The following PLEKHH2 variants were observed in gnomAD, a reference collection of about 807,000 sequenced individuals.
The protein encoded by PLEKHH2 is pleckstrin homology, MyTH4 and FERM domain containing H2, also known as pleckstrin homology domain-containing family H member 2.
A neutral mutation model predicts 187.9 loss-of-function variants in PLEKHH2; 129 were observed. The ratio of observed to expected loss-of-function variants is 0.69; its 90% CI spans 0.59 to 0.79. The LOEUF (loss-of-function observed/expected upper bound fraction) is 0.79, where lower values mean the gene tolerates loss of function less well. PLEKHH2 is among the 30% of genes least tolerant of loss of function. The probability of loss-of-function intolerance (pLI) is 0.00; values close to 1 mark genes in which losing one functional copy is unlikely to be tolerated. For missense variants in PLEKHH2, 2,076 were observed against 1,751.2 expected, an observed-to-expected ratio of 1.19 and a Z score of -3.31; for synonymous variants, 686 against 605.6, an observed-to-expected ratio of 1.13 and a Z score of -1.95.
At chr2:43,672,547 T>C (rs1279422698) in intron 2 of PLEKHH2, among the ~76,000 whole-genome samples, 2 of 152,218 alleles carry the variant, frequency 1.3e-5, no homozygotes, top group Non-Finnish European at 2.9e-5. Flanking sequence ...TAATTAGCAG[T>C]GGCATCATCA....
At position 43,764,368 on chromosome 2, in the gene PLEKHH2, G is replaced by A. The variant is rs373129908; in HGVS notation, c.4296+3G>A. The A allele has an allele frequency of 4.3e-6, 7 of 1,612,432 alleles. No homozygotes were observed. The highest frequency in any genetic ancestry group is 1.1e-5 in the South Asian group (1 of 90,896). ...TTTTTGCCATGGCAAAACCCAAGGT[G>A]AGTAGAAGCCTTTCTGCCAACTTTT... On this transcript the variant is annotated splice_donor_region_variant and intron_variant, in intron 29 of 29. Transcript: ENST00000282406.
intron 2 of PLEKHH2, among the ~76,000 whole-genome samples, chr2:43,650,272 A>G (rs997976705): frequency 4.7e-5 from 7 of 147,514 alleles, no homozygotes; most frequent in African/African-American, 1.8e-4. Context: ...AGCTGGGATT[A>G]CAGGTGTGCA....
chr2:43,697,328 T>C lies in PLEKHH2; in HGVS notation c.660T>C (p.Pro220=), dbSNP rs1379816684. 3 of 1,612,150 alleles carry C rather than the reference T, an allele frequency of 1.9e-6. No individual in the cohort carries two copies. The highest frequency in any genetic ancestry group is 2.7e-5 in the African/African-American group (2 of 74,840). The change falls in exon 7 of 30, where the codon CCT becomes CCC. Residue 220 remains proline (P), a synonymous_variant. Transcript: ENST00000282406. Reference sequence around the variant, plus strand: ...TGAGCAAGATATCATCGAAAGAACCTGAGTTCACTGAAGGAAAAGACATGG... The same window carrying C: ...TGAGCAAGATATCATCGAAAGAACCCGAGTTCACTGAAGGAAAAGACATGG... ...EEMSKISSKE[P]EFTEGKDMEE...
At chr2:43,712,986 A>G (rs1670040967) in intron 15 of PLEKHH2, among the ~76,000 whole-genome samples, 1 of 151,590 alleles carries the variant, frequency 6.6e-6, no homozygotes, top group South Asian at 2.1e-4. Flanking sequence ...TAGGCAGTAG[A>G]AAAAAAAAGA....
At chr2:43,682,407 A>G (rs1668239210) in intron 3 of PLEKHH2, among the ~76,000 whole-genome samples, 1 of 152,048 alleles carries the variant, frequency 6.6e-6, no homozygotes, top group South Asian at 2.1e-4. Flanking sequence ...CCTGAGTTCA[A>G]GCGATTCTCC....
chr2:43,738,233 T>G, intron 19 of PLEKHH2, 108 bp from the exon 20 acceptor site: 1 of 907,206 alleles, frequency 1.1e-6, no homozygotes, highest in Non-Finnish European at 1.6e-6. Flanking sequence ...TATATCCTTT[T>G]CCATCATTTT....
chr2:43,654,430 T>G (rs1350156329), intron 2 of PLEKHH2, among the ~76,000 whole-genome samples: 3 of 151,872 alleles, frequency 2.0e-5, no homozygotes, highest in South Asian at 4.2e-4. Flanking sequence ...CTCTTGACCT[T>G]GTGATCTGCC....
At chr2:43,644,530 A>G (rs1467581191) in intron 1 of PLEKHH2, 141 bp from the exon 2 acceptor site, 2 of 593,712 alleles carry the variant, frequency 3.4e-6, no homozygotes, top group East Asian at 7.5e-5. Context: ...TTAGAATTTA[A>G]AATTTGTACA....
chr2:43,742,438 G>A (rs890423030), intron 21 of PLEKHH2, among the ~76,000 whole-genome samples: 2 of 151,396 alleles, frequency 1.3e-5, no homozygotes, highest in South Asian at 4.2e-4. Context: ...CTTTATATTT[G>A]TTAATATTAA....
At chr2:43,675,839 A>G (rs1175271554) in intron 2 of PLEKHH2, 3 of 1,614,028 alleles carry the variant, frequency 1.9e-6, no homozygotes, top group East Asian at 4.5e-5. Flanking sequence ...AAGGGCTGGG[A>G]TGCATCCCTT....
intron 16 of PLEKHH2, among the ~76,000 whole-genome samples, chr2:43,722,692 T>A (rs1322800859): frequency 2.0e-5 from 3 of 152,240 alleles, no homozygotes. Flanking sequence ...CTGACACATC[T>A]AAATAAAATA....
chr2:43,720,157 C>G (rs556220104), intron 15 of PLEKHH2, among the ~76,000 whole-genome samples: 2 of 152,300 alleles, frequency 1.3e-5, no homozygotes, highest in African/African-American at 4.8e-5. Flanking sequence ...CCACTCCCTT[C>G]TTTATCCATC....
At position 43,720,710 on chromosome 2, in the gene PLEKHH2, A is replaced by G. The variant is rs143478560; in HGVS notation, c.2502A>G (p.Ile834Met). ...CCAAGAGAGTCTGGTGTACACTAAT[A>G]GGAAAGACATTATATTATTTTCGGA... ...GYSKRVWCTL[I>M]GKTLYYFRSQ... is the part of the protein sequence containing the mutation. The change falls in exon 16 of 30, where the codon ATA (isoleucine) becomes ATG (methionine). Residue 834 changes from isoleucine (I) to methionine (M), a missense_variant. Ile to Met is a conservative substitution (Grantham distance 10). Coordinates refer to ENST00000282406, the MANE Select transcript of PLEKHH2 (RefSeq NM_172069.4). 551 of 1,609,124 alleles carry G rather than the reference A, an allele frequency of 3.4e-4. 4 individuals are homozygous for G. The South Asian group carries it at 5.7e-3, about 17-fold the overall frequency.
At chr2:43,648,433 C>A (rs528609268) in intron 2 of PLEKHH2, among the ~76,000 whole-genome samples, 1 of 152,034 alleles carries the variant, frequency 6.6e-6, no homozygotes, top group Non-Finnish European at 1.5e-5. Context: ...GTGATCCGCC[C>A]GCCTTAGCCT....
chr2:43,687,138 C>G (rs1668562777), intron 3 of PLEKHH2, among the ~76,000 whole-genome samples: 1 of 152,170 alleles, frequency 6.6e-6, no homozygotes, highest in African/African-American at 2.4e-5. Flanking sequence ...CAGCCCATGT[C>G]TCCGTCTCTT....
At chr2:43,657,215 C>G (rs1666825987) in intron 2 of PLEKHH2, among the ~76,000 whole-genome samples, 1 of 152,146 alleles carries the variant, frequency 6.6e-6, no homozygotes, top group Admixed American at 6.6e-5. Context: ...ACAGCTGGGT[C>G]TGGATATCCA....
At chr2:43,678,533 C>A (rs950774124) in intron 2 of PLEKHH2, among the ~76,000 whole-genome samples, 2 of 152,196 alleles carry the variant, frequency 1.3e-5, no homozygotes, top group East Asian at 3.9e-4. Flanking sequence ...CACAGCGAAA[C>A]CCCGTCTCCA....
intron 2 of PLEKHH2, among the ~76,000 whole-genome samples, chr2:43,670,953 T>C (rs1300637938): frequency 2.6e-5 from 4 of 152,144 alleles, no homozygotes; most frequent in Admixed American, 6.6e-5. Flanking sequence ...TTTTAAATTC[T>C]AATTTCAATT....
Position 43,700,211 on chromosome 2 carries a change from A to G in PLEKHH2, c.1253A>G (p.Lys418Arg), listed in dbSNP as rs2104485391. The G allele has an allele frequency of 6.2e-7, 1 of 1,614,188 alleles. No individual in the cohort carries two copies. Among genetic ancestry groups the G allele is most frequent in the African/African-American group, 1.3e-5 (1 of 75,038 alleles). ...ATTTTGACCCCAGCTTTAATGCCAA[A>G]GCATCCTAACTCACTCTCTGGAAAA... ...SPILTPALMP[K>R]HPNSLSGKGT... The change falls in exon 8 of 30, where the codon AAG (lysine) becomes AGG (arginine). Residue 418 changes from lysine (K) to arginine (R), a missense_variant. Lys to Arg is a conservative substitution (Grantham distance 26). Transcript: ENST00000282406.
Sources: allele counts gnomAD v4.1 joint callset (sites outside exome capture counted in the v4.1 genomes callset), GRCh38; gene constraint gnomAD v4.1.1; transcripts MANE v1.5; gene names NCBI Gene and HGNC (gene_info 2026-07-23, HGNC 2026-07-21).